Variants in HIVEP3 observed in about 807,000 individuals in gnomAD.
HIVEP3 encodes HIVEP zinc finger 3.
A neutral mutation model predicts 152.8 loss-of-function variants in HIVEP3; 49 were observed. The ratio of observed to expected loss-of-function variants is 0.32; its 90% CI spans 0.26 to 0.41. HIVEP3 has a LOEUF of 0.41. Ranked by LOEUF, HIVEP3 falls within the 10% of genes least tolerant of loss-of-function variation. HIVEP3 has a pLI of 1.00. For missense variants in HIVEP3, 2,790 were observed against 3,103.3 expected, an observed-to-expected ratio of 0.90 and a Z score of 2.40; for synonymous variants, 1,269 against 1,289.0, an observed-to-expected ratio of 0.98 and a Z score of 0.33.
chr1:41,853,241 A>G (rs1377257914), intron 1 of HIVEP3, among the ~76,000 whole-genome samples: 1 of 152,154 alleles, frequency 6.6e-6, no homozygotes, highest in Non-Finnish European at 1.5e-5. Context: ...TGAATCAGGA[A>G]AGTTTCAGGG....
At position 41,584,478 on chromosome 1, in the gene HIVEP3, G is replaced by A; in HGVS notation, c.320C>T (p.Pro107Leu). 6.2e-7 allele frequency: 1 copy of A among 1,614,176 alleles called. No individual in the cohort carries two copies. Among genetic ancestry groups the A allele is most frequent in the Non-Finnish European group, 8.5e-7 (1 of 1,180,030 alleles). Residue 107 changes from proline (P) to leucine (L), a missense_variant, in exon 4 of 9, where the codon CCT (proline) becomes CTT (leucine). Physicochemically the swap from Pro to Leu is moderately conservative, Grantham distance 98. This residue lies in a region of HIVEP3 where 209 missense variants were observed against 237.0 expected (regional missense o/e 0.88). Transcript: ENST00000372583. The surrounding 1 kb of genome is among the most constrained non-coding windows in gnomAD (Gnocchi z 5.2). ...CTCCAGGAGATGCTCAGGTTTGCCAGGCGACATGAATGCTGGTGTCAGAGG... is the reference window on the plus strand; with the variant it reads ...CTCCAGGAGATGCTCAGGTTTGCCAAGCGACATGAATGCTGGTGTCAGAGG... ...QHPLTPAFMS[P>L]GKPEHLLEGS...
chr1:42,026,384 T>C (rs1341822899), intron 1 of HIVEP3, among the ~76,000 whole-genome samples: 1 of 152,184 alleles, frequency 6.6e-6, no homozygotes, highest in Non-Finnish European at 1.5e-5. Flanking sequence ...AGAACTTAGG[T>C]GTTCTAGTGT....
At chr1:42,007,282 G>T (rs80069801) in intron 1 of HIVEP3, among the ~76,000 whole-genome samples, 2,457 of 152,292 alleles carry the variant, frequency 0.016, 64 homozygotes, top group African/African-American at 0.056. Flanking sequence ...CCTTCATGAG[G>T]CTCACTGCAG....
chr1:41,721,619 G>A (rs1646675316), intron 1 of HIVEP3, among the ~76,000 whole-genome samples: 1 of 152,172 alleles, frequency 6.6e-6, no homozygotes, highest in Admixed American at 6.5e-5. Flanking sequence ...CCTGCATCAG[G>A]CACAGTTCTG....
intron 1 of HIVEP3, among the ~76,000 whole-genome samples, chr1:41,767,727 A>G (rs1648104379): frequency 6.6e-6 from 1 of 152,238 alleles, no homozygotes; most frequent in Admixed American, 6.5e-5. Flanking sequence ...ACTTATCTGC[A>G]TATAGTGCCT....
Position 41,583,042 on chromosome 1 carries a change from T to A in HIVEP3, c.1756A>T (p.Met586Leu). 1 of 1,613,914 alleles carries A rather than the reference T, an allele frequency of 6.2e-7. No homozygotes were observed. The highest frequency in any genetic ancestry group is 8.5e-7 in the Non-Finnish European group (1 of 1,179,986). The change falls in exon 4 of 9, where the codon ATG becomes TTG. Residue 586 changes from methionine (M) to leucine (L), a missense_variant. Physicochemically the swap from Met to Leu is conservative, Grantham distance 15. Transcript: ENST00000372583. The surrounding 1 kb of genome is among the most constrained non-coding windows in gnomAD (Gnocchi z 6.9). ...SSHVFTSHPR[M>L]LKRQPAIELP... Reference sequence around the variant, plus strand: ...TCGATTGCCGGCTGGCGCTTCAGCATCCGGGGGTGGGAGGTAAACACGTGA... The same window carrying A: ...TCGATTGCCGGCTGGCGCTTCAGCAACCGGGGGTGGGAGGTAAACACGTGA...
At chr1:41,963,976 T>C (rs1645183679) in intron 1 of HIVEP3, among the ~76,000 whole-genome samples, 1 of 152,098 alleles carries the variant, frequency 6.6e-6, no homozygotes, top group Non-Finnish European at 1.5e-5. Context: ...AATGAAGGTG[T>C]TATGGATTGA....
At chr1:42,013,640 C>T (rs1645505482) in intron 1 of HIVEP3, among the ~76,000 whole-genome samples, 1 of 152,184 alleles carries the variant, frequency 6.6e-6, no homozygotes, top group African/African-American at 2.4e-5. Flanking sequence ...ATTAATATTT[C>T]AAAATTTTGT....
chr1:41,853,615 G>T (rs1035521395), intron 1 of HIVEP3, among the ~76,000 whole-genome samples: 1 of 152,104 alleles, frequency 6.6e-6, no homozygotes, highest in African/African-American at 2.4e-5. Context: ...GGGGACACAG[G>T]CAAACCATAT....
chr1:41,649,621 T>A (rs904004223), intron 2 of HIVEP3, among the ~76,000 whole-genome samples: 3 of 152,174 alleles, frequency 2.0e-5, no homozygotes, highest in African/African-American at 7.2e-5. Context: ...TAGGAGATGA[T>A]GCAATAATAG....
chr1:41,917,983 G>A (rs952307810), intron 1 of HIVEP3, among the ~76,000 whole-genome samples: 1 of 152,218 alleles, frequency 6.6e-6, no homozygotes, highest in African/African-American at 2.4e-5. Context: ...CGGTGCCACG[G>A]AACGCGATGC....
chr1:41,983,311 G>A (rs1214419683), intron 1 of HIVEP3, among the ~76,000 whole-genome samples: 2 of 152,070 alleles, frequency 1.3e-5, no homozygotes, highest in African/African-American at 4.8e-5. Flanking sequence ...AACCATGACC[G>A]ATCCAAATCA....
At chr1:41,942,417 T>A (rs552351028) in intron 1 of HIVEP3, among the ~76,000 whole-genome samples, 1 of 152,364 alleles carries the variant, frequency 6.6e-6, no homozygotes, top group Non-Finnish European at 1.5e-5. Context: ...CACTAACACA[T>A]CATTTCCCCT....
In HIVEP3 at chr1:41,659,793, G is replaced by A. The variant is rs186621294; in HGVS notation, c.-720-30846C>T. Reference sequence around the variant, plus strand: ...CTGGGAGACATGGAGGAAATGCGGCGTTGGGTTGGCCCTGCAAAGCACTCC... The same window carrying A: ...CTGGGAGACATGGAGGAAATGCGGCATTGGGTTGGCCCTGCAAAGCACTCC... On this transcript the variant is annotated intron_variant, in intron 2 of 8. Transcript: ENST00000372583. Among the ~76,000 whole-genome samples, 78 of 152,356 alleles carry A rather than the reference G, an allele frequency of 5.1e-4. 1 individual carries two copies. Among genetic ancestry groups the A allele is most frequent in the Admixed American group, 3.5e-3 (53 of 15,304 alleles).
Position 41,584,081 on chromosome 1 carries a change from C to T in HIVEP3, c.717G>A (p.Arg239=), listed in dbSNP as rs1438534327. The T allele has an allele frequency of 6.2e-7, 1 of 1,614,200 alleles. No homozygotes were observed. Among genetic ancestry groups the T allele is most frequent in the Admixed American group, 1.7e-5 (1 of 60,026 alleles). ...CTTTGATGCGGTGGGCATGGGACTT[C>T]CTGTGCTTGTAGAGATTACTCTTGG... is the stretch of plus-strand genomic sequence containing the variant. ...FKTKSNLYKH[R]KSHAHRIKAG... is the part of the protein sequence containing the mutation. The change falls in exon 4 of 9, where the codon AGG becomes AGA. Residue 239 remains arginine (R), a synonymous_variant. Transcript: ENST00000372583. The surrounding 1 kb of genome is among the most constrained non-coding windows in gnomAD (Gnocchi z 5.2).
At chr1:41,885,497 C>T (rs2124432592) in intron 1 of HIVEP3, among the ~76,000 whole-genome samples, 1 of 152,260 alleles carries the variant, frequency 6.6e-6, no homozygotes, top group Admixed American at 6.5e-5. Flanking sequence ...GAAACCCTGT[C>T]TGTACTAAAA....
chr1:41,909,320 A>T (rs962369420), intron 1 of HIVEP3, among the ~76,000 whole-genome samples: 1 of 152,184 alleles, frequency 6.6e-6, no homozygotes, highest in Non-Finnish European at 1.5e-5. Context: ...TACCAAAATG[A>T]AGTTGGTAGA....
In HIVEP3 at chr1:41,916,412, C is replaced by T. The variant is rs147317654; in HGVS notation, c.-801+2001G>A. The stretch of plus-strand genomic sequence containing the variant: ...CCATCAAATTAACAAATCTGCCCAA[C>T]AGCCCCAGGCTGAGGCGCTCAGGGG... On this transcript the variant is annotated intron_variant, in intron 1 of 8. Transcript: ENST00000372583. Among the ~76,000 whole-genome samples, 536 of 152,330 alleles carry T rather than the reference C, an allele frequency of 3.5e-3. 1 individual carries two copies. The highest frequency in any genetic ancestry group is 5.3e-3 in the Admixed American group (81 of 15,304).
At position 41,675,909 on chromosome 1, in the gene HIVEP3, C is replaced by A. The variant is rs573749265; in HGVS notation, c.-721+25007G>T. Among the ~76,000 whole-genome samples the A allele has an allele frequency of 2.0e-5, 3 of 151,750 alleles. No individual in the cohort carries two copies. In the South Asian group the frequency reaches 6.2e-4, roughly 31 times the overall value. The stretch of plus-strand genomic sequence containing the variant: ...GTGTCCACACGGCCCAGCTCAGACA[C>A]ATAATGTTATGGAGCTGAGGTGACA... On this transcript the variant is annotated intron_variant, in intron 2 of 8. Coordinates refer to ENST00000372583, the MANE Select transcript of HIVEP3 (RefSeq NM_024503.5).
Sources: gnomAD v4.1 joint callset for allele counts (sites outside exome capture counted in the v4.1 genomes callset) on GRCh38, gnomAD v4.1.1 for gene constraint, gnomAD v4.1.1 regional missense constraint, Gnocchi (gnomAD v3.1) non-coding constraint, MANE v1.5 for transcripts, NCBI Gene and HGNC (gene_info 2026-07-23, HGNC 2026-07-21) for gene names.